Variants in UBR4 observed in about 807,000 individuals in gnomAD.
The protein encoded by UBR4 is ubiquitin protein ligase E3 component n-recognin 4, also known as E3 ubiquitin-protein ligase UBR4.
In UBR4, 124 loss-of-function variants were observed where a neutral mutation model predicts 575.6. That is an observed-to-expected ratio of 0.22 (90% CI 0.19 to 0.25). UBR4 has a LOEUF of 0.25. Ranked by LOEUF, UBR4 falls within the 10% of genes least tolerant of loss-of-function variation. The probability of loss-of-function intolerance (pLI) is 1.00; values close to 1 mark genes in which losing one functional copy is unlikely to be tolerated. For synonymous variants in UBR4, 2,455 were observed against 2,473.7 expected (o/e 0.99, Z 0.22); for missense variants, 4,818 against 6,478.8 (o/e 0.74, Z 8.80).
In UBR4 at chr1:19,093,845, C is replaced by T; in HGVS notation, c.13937+104G>A. ...CTCCTTAAAAGCCAGAACGAGGACA[C>T]AAAAATCTAATAGGTATTCAGAGGA... On this transcript the variant is annotated intron_variant, in intron 95 of 105. Transcript: ENST00000375254. This position sits in a 1 kb window ranked among gnomAD's most constrained non-coding sequence, Gnocchi z 4.8. The T allele has an allele frequency of 2.2e-6, 3 of 1,350,606 alleles. No individual in the cohort carries two copies. The highest frequency in any genetic ancestry group is 1.5e-5 in the African/African-American group (1 of 68,126). 83.7% of individuals were successfully genotyped at this position (1,350,606 alleles called of 1,614,324 possible). A position where few individuals can be genotyped will look rare whatever the true frequency, so the allele number is the denominator to read the frequency against.
rs1378431987 is a variant in UBR4 at position 19,167,051 on chromosome 1, G to C, written c.4080C>G (p.Asn1360Lys). 2 of 1,614,086 alleles carry C rather than the reference G, an allele frequency of 1.2e-6. No homozygotes were observed. The highest frequency in any genetic ancestry group is 1.7e-6 in the Non-Finnish European group (2 of 1,180,032). Reference sequence around the variant, plus strand: ...TAGGATCTGCATGATTGGCCAGAATGTTGTAACAACCAGTGATCAGCTTCT... The same window carrying C: ...TAGGATCTGCATGATTGGCCAGAATCTTGTAACAACCAGTGATCAGCTTCT... ...VYEKLITGCY[N>K]ILANHADPNS... Residue 1360 changes from asparagine to lysine, a missense_variant, in exon 29 of 106, where the codon AAC becomes AAG. Around this residue, in one of 29 missense-constraint regions of UBR4, gnomAD observed 1,172 missense variants for 1,259.7 expected, o/e 0.93. Transcript: ENST00000375254.
At chr1:19,151,313 T>C in intron 48 of UBR4, 2 of 419,698 alleles carry the variant, frequency 4.8e-6, no homozygotes, top group South Asian at 5.0e-5. Flanking sequence ...TCTTCCTCTG[T>C]GCGTTAAGAA....
Position 19,170,392 on chromosome 1 carries a change from C to T in UBR4, c.3643+370G>A, listed in dbSNP as rs1448070561. Among the ~76,000 whole-genome samples the T allele has an allele frequency of 3.3e-5, 5 of 152,166 alleles. No homozygotes were observed. The East Asian group carries it at 9.6e-4, about 29-fold the overall frequency. ...CCAGCCTGGGTGACAGGGCAAGACC[C>T]TGCCAAGAGAAGAGAGAAGAGAGTG... is the stretch of plus-strand genomic sequence containing the variant. On this transcript the variant is annotated intron_variant, in intron 26 of 105. Coordinates refer to ENST00000375254, the MANE Select transcript of UBR4 (RefSeq NM_020765.3).
rs756549939 is a variant in UBR4, at chr1:19,165,686, C to A, written c.4181G>T (p.Arg1394Leu). 4 of 1,614,016 alleles carry A rather than the reference C, an allele frequency of 2.5e-6. No individual in the cohort carries two copies. The African/African-American group carries it at 5.3e-5, about 22-fold the overall frequency. ...AGAGAAAAACTCCTCCATAGCTTTA[C>A]GAGCCTGGCTACTTTCCAGCTGCTT... ...LEKQLESSQA[R>L]KAMEEFFSDS... The change falls in exon 30 of 106, where the codon CGT becomes CTT. Residue 1394 changes from arginine to leucine, a missense_variant. Physicochemically the swap from Arg to Leu is moderately radical, Grantham distance 102. Transcript: ENST00000375254.
At chr1:19,174,271 C>A (rs1477655360) in intron 22 of UBR4, 48 bp downstream of exon 22, 1 of 1,563,130 alleles carries the variant, frequency 6.4e-7, no homozygotes, top group South Asian at 1.2e-5. Flanking sequence ...TAGAAATGAT[C>A]AATGATCAAA....
chr1:19,155,950 C>T (rs1056673190), intron 42 of UBR4, among the ~76,000 whole-genome samples: 3 of 152,170 alleles, frequency 2.0e-5, no homozygotes, highest in Non-Finnish European at 4.4e-5. Flanking sequence ...AATCAATTCC[C>T]TATTGCCTAA....
intron 25 of UBR4, among the ~76,000 whole-genome samples, chr1:19,171,564 G>C (rs1358232281): frequency 6.6e-6 from 1 of 152,190 alleles, no homozygotes; most frequent in Non-Finnish European, 1.5e-5. Context: ...CACAGAGCTG[G>C]GCACGGTGGC....
intron 25 of UBR4, among the ~76,000 whole-genome samples, chr1:19,171,805 A>C (rs1439111201): frequency 6.6e-6 from 1 of 152,194 alleles, no homozygotes; most frequent in African/African-American, 2.4e-5. Context: ...AGATCGCACC[A>C]CTGCACTCCG....
intron 87 of UBR4, among the ~76,000 whole-genome samples, chr1:19,103,533 C>T (rs1295617882): frequency 6.6e-6 from 1 of 152,152 alleles, no homozygotes; most frequent in Non-Finnish European, 1.5e-5. Flanking sequence ...TCACTGCACT[C>T]CAGCCTGGGC....
chr1:19,173,036 T>C lies in UBR4; in HGVS notation c.3349A>G (p.Ser1117Gly). 1 of 1,613,960 alleles carries C rather than the reference T, an allele frequency of 6.2e-7. No homozygotes were observed. Among genetic ancestry groups the C allele is most frequent in the East Asian group, 2.2e-5 (1 of 44,864 alleles). Reference protein sequence around the residue: ...TTILQLHEIPSLQSIYTLDAA... With the variant: ...TTILQLHEIPGLQSIYTLDAA... ...TCAAGGGTGTAGATGGACTGCAGAC[T>C]GGGAATTTCATGCAGCTGCAAGATG... The change falls in exon 25 of 106, where the codon AGT (serine) becomes GGT (glycine). Residue 1117 changes from serine to glycine, a missense_variant. Around this residue, in one of 29 missense-constraint regions of UBR4, gnomAD observed 1,172 missense variants for 1,259.7 expected, o/e 0.93. Transcript: ENST00000375254.
Position 19,153,801 on chromosome 1 carries a change from G to T in UBR4, c.6597C>A (p.Ile2199=). ...VVMVKPDTFL[I]QEIKTLPAKA... ...TAGCAGGAAGAGTCTTAATCTCCTG[G>T]ATAAGAAAAGTGTCTGGTTTCACCA... is the stretch of plus-strand genomic sequence containing the variant. Residue 2199 remains isoleucine, a synonymous_variant, in exon 45 of 106, where the codon ATC becomes ATA. Transcript: ENST00000375254. The surrounding 1 kb of genome is among the most constrained non-coding windows in gnomAD (Gnocchi z 4.1). The T allele has an allele frequency of 6.2e-7, 1 of 1,614,142 alleles. No individual in the cohort carries two copies. The highest frequency in any genetic ancestry group is 1.1e-5 in the South Asian group (1 of 91,078).
At chr1:19,169,142 T>A (rs919977723) in intron 27 of UBR4, among the ~76,000 whole-genome samples, 2 of 152,198 alleles carry the variant, frequency 1.3e-5, no homozygotes, top group African/African-American at 4.8e-5. Flanking sequence ...TGCTAGGCAC[T>A]TAACATTCAA....
intron 81 of UBR4, among the ~76,000 whole-genome samples, chr1:19,109,100 C>T (rs1015134348): frequency 6.6e-6 from 1 of 152,208 alleles, no homozygotes; most frequent in Admixed American, 6.5e-5. Flanking sequence ...CACATCATAA[C>T]CCTAGTGCTT....
In UBR4 at chr1:19,087,893, G is replaced by C. The variant is rs768061626; in HGVS notation, c.14467C>G (p.Leu4823Val). 3 of 1,610,002 alleles carry C rather than the reference G, an allele frequency of 1.9e-6. No individual in the cohort carries two copies. The African/African-American group carries it at 4.0e-5, about 22-fold the overall frequency. The change falls in exon 99 of 106, where the codon CTC becomes GTC. Residue 4823 changes from leucine to valine, a missense_variant. Around this residue, in one of 29 missense-constraint regions of UBR4, gnomAD observed 196 missense variants for 386.8 expected, o/e 0.51. Coordinates refer to ENST00000375254, the MANE Select transcript of UBR4 (RefSeq NM_020765.3). ...EKGQVVTKTA[L>V]LKQMEELIEE... is the part of the protein sequence containing the mutation. ...ATCAGCTCTTCCATCTGCTTCAGGAGTGCTGTCTTGGTCACGACCTGGCCC... is the reference window on the plus strand; with the variant it reads ...ATCAGCTCTTCCATCTGCTTCAGGACTGCTGTCTTGGTCACGACCTGGCCC...
At position 19,142,235 on chromosome 1, in the gene UBR4, C is replaced by T. The variant is rs140013407; in HGVS notation, c.8180-458G>A. Among the ~76,000 whole-genome samples the T allele has an allele frequency of 7.9e-5, 12 of 152,248 alleles. No homozygotes were observed. In the South Asian group the frequency reaches 1.2e-3, roughly 16 times the overall value. On this transcript the variant is annotated intron_variant, in intron 55 of 105. Coordinates refer to ENST00000375254, the MANE Select transcript of UBR4 (RefSeq NM_020765.3). ...CTAGGTCAGTGAGATTTTCACACTA[C>T]GTAATTACTATGAGAAGAACCAGAA...
Position 19,187,481 on chromosome 1 carries a change from G to A in UBR4, c.1454C>T (p.Thr485Met), listed in dbSNP as rs756004967. The A allele has an allele frequency of 1.7e-5, 28 of 1,613,954 alleles. No homozygotes were observed. Among genetic ancestry groups the A allele is most frequent in the Non-Finnish European group, 2.2e-5 (26 of 1,180,016 alleles). ...ILANHAIKLL[T>M]SLFQDLQVEA... ...CACTTGTAGGTCTTGAAAGAGAGAC[G>A]TTAGCAGTTTGATGGCATGGTTTGC... Residue 485 changes from threonine to methionine, a missense_variant, in exon 12 of 106, where the codon ACG (threonine) becomes ATG (methionine). Thr to Met is a moderately conservative substitution (Grantham distance 81). This residue lies in a region of UBR4 where 162 missense variants were observed against 216.4 expected (regional missense o/e 0.75). Transcript: ENST00000375254.
chr1:19,138,169 C>T lies in UBR4; in HGVS notation c.8744G>A (p.Ser2915Asn), dbSNP rs1473799678. Residue 2915 changes from serine to asparagine, a missense_variant, in exon 60 of 106, where the codon AGC (serine) becomes AAC (asparagine). This residue lies in a region of UBR4 where 57 missense variants were observed against 101.5 expected (regional missense o/e 0.56). Coordinates refer to ENST00000375254, the MANE Select transcript of UBR4 (RefSeq NM_020765.3). ...VAGEHSVSGR[S>N]SAYGDATAEG... is the part of the protein sequence containing the mutation. ...AGCTGTAGCATCGCCATAAGCACTG[C>T]TCCGGCCAGATACTAGAGGGAAATG... The T allele has an allele frequency of 5.9e-6, 9 of 1,524,806 alleles. No individual in the cohort carries two copies. The highest frequency in any genetic ancestry group is 8.0e-6 in the Non-Finnish European group (9 of 1,127,888). The allele number at this position is 1,524,806 out of a possible 1,614,324, so 94.5% of individuals were successfully genotyped here.
At chr1:19,135,799 G>A (rs2083139398) in intron 60 of UBR4, among the ~76,000 whole-genome samples, 1 of 152,056 alleles carries the variant, frequency 6.6e-6, no homozygotes. Flanking sequence ...TATCTGATAA[G>A]ATTAATAGAT....
chr1:19,202,856 G>A (rs1162709060), intron 1 of UBR4, among the ~76,000 whole-genome samples: 7 of 152,156 alleles, frequency 4.6e-5, no homozygotes, highest in South Asian at 4.1e-4. Context: ...GGAGGTCCAC[G>A]CAGGTGGATG....
Sources: allele counts gnomAD v4.1 joint callset (sites outside exome capture counted in the v4.1 genomes callset), GRCh38; gene constraint gnomAD v4.1.1; regional missense constraint gnomAD v4.1.1; non-coding constraint Gnocchi (gnomAD v3.1); transcripts MANE v1.5; gene names NCBI Gene and HGNC (gene_info 2026-07-23, HGNC 2026-07-21).